The following PAN3 variants were observed in gnomAD, a reference collection of about 807,000 sequenced individuals.
PAN3 encodes poly(A) specific ribonuclease subunit PAN3, also known as PAN2-PAN3 deadenylation complex subunit PAN3.
Under a neutral mutation model 96.2 loss-of-function variants are expected in PAN3, and 19 were observed. The ratio of observed to expected loss-of-function variants is 0.20; its 90% CI spans 0.14 to 0.29. The LOEUF (loss-of-function observed/expected upper bound fraction) is 0.29. Ranked by LOEUF, PAN3 falls within the 10% of genes least tolerant of loss-of-function variation. The probability of loss-of-function intolerance (pLI) is 1.00; values close to 1 mark genes in which losing one functional copy is unlikely to be tolerated. For missense variants in PAN3, 882 were observed against 1,108.1 expected (o/e 0.80, Z 2.90); for synonymous variants, 433 against 406.6 (o/e 1.06, Z -0.78).
At chr13:28,287,014 CT>C (rs1259912694) in intron 17 of PAN3, among the ~76,000 whole-genome samples, 1 of 152,022 alleles carries the variant, frequency 6.6e-6, no homozygotes, top group East Asian at 1.9e-4. Flanking sequence ...CACTCTGTTC[CT>C]TTTCCTTGCC....
At chr13:28,176,330 CAT>C (rs1566160205) in intron 2 of PAN3, among the ~76,000 whole-genome samples, 161 bp from the exon 3 acceptor site, 1 of 152,038 alleles carries the variant, frequency 6.6e-6, no homozygotes, top group East Asian at 1.9e-4. Flanking sequence ...GTGGTTTTTA[CAT>C]AGTTGTAATC....
At chr13:28,175,937 G>T (rs1209329158) in intron 2 of PAN3, among the ~76,000 whole-genome samples, 1 of 152,098 alleles carries the variant, frequency 6.6e-6, no homozygotes, top group Non-Finnish European at 1.5e-5. Context: ...AATTTTTAAG[G>T]CATTGAGTTA....
chr13:28,279,980 G>T (rs886273999), intron 15 of PAN3, among the ~76,000 whole-genome samples: 5 of 151,624 alleles, frequency 3.3e-5, no homozygotes, highest in Non-Finnish European at 7.4e-5. Context: ...TGTATTTTTA[G>T]TAGAGACGGG....
chr13:28,260,124 T>C (rs1885570118), intron 7 of PAN3, among the ~76,000 whole-genome samples: 1 of 151,950 alleles, frequency 6.6e-6, no homozygotes, highest in Non-Finnish European at 1.5e-5. Flanking sequence ...AGGCTGGGTG[T>C]GGTGGCTCAC....
chr13:28,259,235 C>G (rs1961120), intron 7 of PAN3, among the ~76,000 whole-genome samples: 70,022 of 151,532 alleles, frequency 0.46, 19,792 homozygotes, highest in Admixed American at 0.62. Context: ...TCAAGCGATT[C>G]TCCTGCCTCA....
intron 1 of PAN3, among the ~76,000 whole-genome samples, chr13:28,164,251 T>C (rs1191943576): frequency 1.3e-5 from 2 of 152,222 alleles, no homozygotes; most frequent in African/African-American, 2.4e-5. Context: ...GAAGTTTTCT[T>C]GGTAGATGGT....
intron 17 of PAN3, among the ~76,000 whole-genome samples, chr13:28,281,842 C>T (rs1887496793): frequency 1.3e-5 from 2 of 148,454 alleles, no homozygotes; most frequent in Non-Finnish European, 1.5e-5. Context: ...ACAATCTCGG[C>T]TGACTGCAAC....
At chr13:28,245,779 G>A (rs981190540) in intron 6 of PAN3, among the ~76,000 whole-genome samples, 9 of 152,042 alleles carry the variant, frequency 5.9e-5, no homozygotes, top group Non-Finnish European at 1.2e-4. Context: ...TATAATATGT[G>A]GCTTTTTTAT....
At chr13:28,155,627 C>T (rs1872042140) in intron 1 of PAN3, among the ~76,000 whole-genome samples, 1 of 152,026 alleles carries the variant, frequency 6.6e-6, no homozygotes, top group African/African-American at 2.4e-5. Flanking sequence ...ATGTATCGGA[C>T]ATGGCCCTGG....
chr13:28,277,091 G>C (rs1355259352), intron 14 of PAN3, 146 bp from the exon 15 acceptor site: 4 of 786,506 alleles, frequency 5.1e-6, no homozygotes, highest in Non-Finnish European at 4.0e-6. Context: ...ATAAGCTCCA[G>C]GTTATTCTGA....
intron 1 of PAN3, among the ~76,000 whole-genome samples, chr13:28,152,503 G>A (rs533210892): frequency 1.2e-4 from 19 of 152,110 alleles, no homozygotes; most frequent in African/African-American, 4.6e-4. Context: ...AGAATCGCTT[G>A]AACCCAGGAG....
At chr13:28,172,612 T>C (rs1197482238) in intron 1 of PAN3, among the ~76,000 whole-genome samples, 2 of 152,172 alleles carry the variant, frequency 1.3e-5, no homozygotes, top group Non-Finnish European at 2.9e-5. Context: ...GTCCTCCAAT[T>C]TTAGTTCTGT....
intron 4 of PAN3, among the ~76,000 whole-genome samples, chr13:28,191,642 C>CCCAAT (rs1245639115): frequency 6.6e-6 from 1 of 152,192 alleles, no homozygotes; most frequent in Non-Finnish European, 1.5e-5. Flanking sequence ...CTTTTACTCC[C>CCCAAT]TCTTCCCCAA....
chr13:28,193,637 G>A (rs1877567676), intron 4 of PAN3, among the ~76,000 whole-genome samples: 1 of 151,220 alleles, frequency 6.6e-6, no homozygotes, highest in African/African-American at 2.4e-5. Flanking sequence ...CAGCTCCTAC[G>A]GAGGCTGAGG....
chr13:28,279,524 C>G (rs1302080196), intron 15 of PAN3, among the ~76,000 whole-genome samples: 51 of 151,992 alleles, frequency 3.4e-4, no homozygotes, highest in Non-Finnish European at 4.4e-5. Context: ...CTTTGGGAGG[C>G]CAAGGCAGGT....
rs191132555 is a variant in PAN3, at chr13:28,232,523, C to T, written c.1000+12145C>T. 4.5e-3 allele frequency: 676 copies of T among 151,860 alleles called. 9 individuals are homozygous for T. The highest frequency in any genetic ancestry group is 0.015 in the African/African-American group (633 of 41,416). The allele number at this position is 151,860 out of a possible 1,614,324, so 9.4% of individuals were successfully genotyped here. On this transcript the variant is annotated intron_variant, in intron 6 of 18. Coordinates refer to ENST00000380958, the MANE Select transcript of PAN3 (RefSeq NM_175854.8). The stretch of plus-strand genomic sequence containing the variant: ...TGTATGCTCACTTTGGCAGCACATA[C>T]GCTAAAATTAGAACAGTACAGAGAA...
intron 1 of PAN3, among the ~76,000 whole-genome samples, chr13:28,143,880 C>T (rs1870202430): frequency 6.6e-6 from 1 of 152,134 alleles, no homozygotes; most frequent in Non-Finnish European, 1.5e-5. Flanking sequence ...TAGCGTGTGG[C>T]AAAGCTGTTT....
At chr13:28,147,702 G>C (rs1870854205) in intron 1 of PAN3, among the ~76,000 whole-genome samples, 1 of 152,166 alleles carries the variant, frequency 6.6e-6, no homozygotes. Context: ...CTCAAAATCT[G>C]AAATATGGTT....
chr13:28,175,475 G>A (rs930594065), intron 2 of PAN3, among the ~76,000 whole-genome samples: 6 of 152,150 alleles, frequency 3.9e-5, no homozygotes, highest in Non-Finnish European at 7.3e-5. Context: ...CAAACTCCTG[G>A]TCTCAAGTGA....
Sources: gnomAD v4.1 joint callset for allele counts (sites outside exome capture counted in the v4.1 genomes callset) on GRCh38, gnomAD v4.1.1 for gene constraint, MANE v1.5 for transcripts, NCBI Gene and HGNC (gene_info 2026-07-23, HGNC 2026-07-21) for gene names.